Variants in MAGI2 observed in about 807,000 individuals in gnomAD.
MAGI2 encodes membrane-associated guanylate kinase, WW and PDZ domain-containing protein 2.
MAGI2 carries 35 observed loss-of-function variants against 133.3 expected under a neutral mutation model. The observed-to-expected ratio is 0.26, with a 90% CI of 0.20 to 0.35. MAGI2 has a LOEUF of 0.35. Among genes scored for constraint, MAGI2 ranks in the 10% least tolerant of loss-of-function variants. The pLI is 1.00. For missense variants in MAGI2, 1,636 were observed against 1,863.4 expected (o/e 0.88, Z 2.25); for synonymous variants, 729 against 710.6 (o/e 1.03, Z -0.41).
chr7:78,861,251 G>C (rs991992730), intron 2 of MAGI2, among the ~76,000 whole-genome samples: 2 of 152,148 alleles, frequency 1.3e-5, no homozygotes, highest in Non-Finnish European at 1.5e-5. Context: ...ACAAGCCCCA[G>C]TGAGATGAAC....
At chr7:79,154,931 G>T (rs561188419) in intron 1 of MAGI2, among the ~76,000 whole-genome samples, 81 of 152,226 alleles carry the variant, frequency 5.3e-4, no homozygotes, top group Middle Eastern at 3.4e-3. Context: ...TCTATTTTGC[G>T]CATGGCTTGC....
At chr7:78,717,196 C>A (rs961718858) in intron 2 of MAGI2, among the ~76,000 whole-genome samples, 1 of 152,110 alleles carries the variant, frequency 6.6e-6, no homozygotes, top group African/African-American at 2.4e-5. Context: ...TCCAATAAAC[C>A]TGTGTTACCG....
chr7:78,593,325 G>T (rs1361947458), intron 3 of MAGI2, among the ~76,000 whole-genome samples: 1 of 151,998 alleles, frequency 6.6e-6, no homozygotes, highest in Non-Finnish European at 1.5e-5. Context: ...CCGGGAGGCG[G>T]AGCTTGCAGT....
intron 20 of MAGI2, among the ~76,000 whole-genome samples, chr7:78,106,202 T>C (rs1362014393): frequency 1.3e-5 from 2 of 152,194 alleles, no homozygotes; most frequent in African/African-American, 4.8e-5. Context: ...TATTCCTTTT[T>C]CTGTAGCTGA....
At chr7:78,909,506 G>A (rs964026520) in intron 2 of MAGI2, among the ~76,000 whole-genome samples, 37 of 150,202 alleles carry the variant, frequency 2.5e-4, no homozygotes, top group African/African-American at 8.1e-4. Context: ...CGGAGGCTGA[G>A]GCAGGAGAAT....
At chr7:79,125,757 A>G in intron 1 of MAGI2, 1 of 521,328 alleles carries the variant, frequency 1.9e-6, no homozygotes, top group Non-Finnish European at 3.8e-6. Flanking sequence ...CAAGCCACAA[A>G]ATCAAGATGG....
chr7:79,229,559 A>G (rs1354850858), intron 1 of MAGI2, among the ~76,000 whole-genome samples: 1 of 152,184 alleles, frequency 6.6e-6, no homozygotes, highest in South Asian at 2.1e-4. Flanking sequence ...AAGGAAAAGT[A>G]TAGCTTGAGA....
intron 6 of MAGI2, among the ~76,000 whole-genome samples, chr7:78,399,111 C>A (rs1472882237): frequency 6.9e-6 from 1 of 144,280 alleles, no homozygotes; most frequent in African/African-American, 2.6e-5. Context: ...AGGATAGATG[C>A]AATAAAGAAA....
At chr7:78,990,811 A>G (rs1244417116) in intron 2 of MAGI2, among the ~76,000 whole-genome samples, 1 of 151,844 alleles carries the variant, frequency 6.6e-6, no homozygotes, top group Non-Finnish European at 1.5e-5. Flanking sequence ...TGTAACCTTG[A>G]ACTAAACGTA....
intron 20 of MAGI2, among the ~76,000 whole-genome samples, chr7:78,081,891 G>A (rs755949490): frequency 2.0e-5 from 3 of 152,170 alleles, no homozygotes; most frequent in Non-Finnish European, 2.9e-5. Flanking sequence ...AGGAGGCTGT[G>A]GGGAAGGAGA....
chr7:78,966,575 T>C (rs1803327488), intron 2 of MAGI2, among the ~76,000 whole-genome samples: 1 of 152,182 alleles, frequency 6.6e-6, no homozygotes, highest in South Asian at 2.1e-4. Context: ...TACTCATCTG[T>C]TGATGGACAT....
At chr7:78,657,641 T>C (rs1199244601) in intron 2 of MAGI2, among the ~76,000 whole-genome samples, 1 of 152,172 alleles carries the variant, frequency 6.6e-6, no homozygotes, top group East Asian at 1.9e-4. Flanking sequence ...GATCAGTGAT[T>C]GCCAGGGATT....
At chr7:79,343,714 A>G (rs1242015087) in intron 1 of MAGI2, among the ~76,000 whole-genome samples, 1 of 152,158 alleles carries the variant, frequency 6.6e-6, no homozygotes, top group Non-Finnish European at 1.5e-5. Flanking sequence ...TTCTTATGTA[A>G]CATTACAGGA....
chr7:78,230,994 AATTAGGGG>A (rs1364576458), intron 10 of MAGI2, among the ~76,000 whole-genome samples: 3 of 152,122 alleles, frequency 2.0e-5, no homozygotes, highest in Non-Finnish European at 4.4e-5. Context: ...TCTTCCACTA[AATTAGGGG>A]ATTCTGTCAC....
At chr7:78,204,539 T>C (rs562853704) in intron 10 of MAGI2, among the ~76,000 whole-genome samples, 11 of 152,216 alleles carry the variant, frequency 7.2e-5, no homozygotes, top group Admixed American at 1.3e-4. Flanking sequence ...TAGTTTGTTT[T>C]AGTTTCTGGT....
chr7:78,985,593 C>T (rs1013508742), intron 2 of MAGI2, among the ~76,000 whole-genome samples: 2 of 151,940 alleles, frequency 1.3e-5, no homozygotes, highest in African/African-American at 4.8e-5. Context: ...GTAAAATAGT[C>T]CTTTTTCACT....
At chr7:78,156,232 T>C (rs1268647356) in intron 16 of MAGI2, among the ~76,000 whole-genome samples, 1 of 152,126 alleles carries the variant, frequency 6.6e-6, no homozygotes, top group Non-Finnish European at 1.5e-5. Context: ...GTTGCCCCCA[T>C]TGCTGACCTA....
intron 10 of MAGI2, among the ~76,000 whole-genome samples, chr7:78,244,978 C>A (rs1245447487): frequency 6.6e-6 from 1 of 152,120 alleles, no homozygotes; most frequent in African/African-American, 2.4e-5. Flanking sequence ...ATGAGACTTT[C>A]CATTTAAGTC....
At chr7:78,947,256 C>G (rs1015691243) in intron 2 of MAGI2, among the ~76,000 whole-genome samples, 6 of 152,098 alleles carry the variant, frequency 3.9e-5, no homozygotes, top group African/African-American at 1.4e-4. Context: ...GGTAACTCCT[C>G]CATCCCTCAA....
Sources: allele counts gnomAD v4.1 joint callset (sites outside exome capture counted in the v4.1 genomes callset), GRCh38; gene constraint gnomAD v4.1.1; transcripts MANE v1.5; gene names NCBI Gene and HGNC (gene_info 2026-07-23, HGNC 2026-07-21).